SDK1: variants seen among roughly 807,000 people sequenced by gnomAD.
SDK1 encodes protein sidekick-1.
Under a neutral mutation model 245.5 loss-of-function variants are expected in SDK1, and 157 were observed. The ratio of observed to expected loss-of-function variants is 0.64; its 90% confidence interval spans 0.56 to 0.73. The LOEUF is 0.73. Ranked by LOEUF, SDK1 falls within the 30% of genes least tolerant of loss-of-function variation. The probability of loss-of-function intolerance (pLI) is 0.00; values close to 1 mark genes in which losing one functional copy is unlikely to be tolerated. For synonymous variants in SDK1, 1,647 were observed against 1,278.5 expected, an observed-to-expected ratio of 1.29 and a Z score of -6.15; for missense variants, 3,583 against 3,002.3, an observed-to-expected ratio of 1.19 and a Z score of -4.52.
intron 5 of SDK1, among the ~76,000 whole-genome samples, chr7:3,925,766 G>T (rs1267817389): frequency 6.6e-6 from 1 of 152,182 alleles, no homozygotes; most frequent in Non-Finnish European, 1.5e-5. Flanking sequence ...AGAAGGACTT[G>T]GCAGGTGCGT....
At chr7:3,512,826 C>G (rs150595838) in intron 1 of SDK1, among the ~76,000 whole-genome samples, 1 of 151,966 alleles carries the variant, frequency 6.6e-6, no homozygotes, top group African/African-American at 2.4e-5. Context: ...TTCCATTTAA[C>G]GTCACGATGA....
intron 1 of SDK1, among the ~76,000 whole-genome samples, chr7:3,495,603 A>G (rs1782000105): frequency 6.6e-6 from 1 of 152,196 alleles, no homozygotes; most frequent in African/African-American, 2.4e-5. Context: ...GGCTCTTTGC[A>G]ACATTGATGA....
At chr7:3,852,303 C>G (rs1473861393) in intron 5 of SDK1, among the ~76,000 whole-genome samples, 4 of 151,642 alleles carry the variant, frequency 2.6e-5, no homozygotes, top group Non-Finnish European at 4.4e-5. Flanking sequence ...TGGCACCAGG[C>G]CTTTGAAGGG....
chr7:3,752,626 A>C (rs560403330), intron 4 of SDK1, among the ~76,000 whole-genome samples: 1 of 152,100 alleles, frequency 6.6e-6, no homozygotes, highest in African/African-American at 2.4e-5. Flanking sequence ...TCTAGCATGG[A>C]TTTACGTCAT....
chr7:4,066,983 T>C (rs920611609), intron 19 of SDK1, among the ~76,000 whole-genome samples: 1 of 152,236 alleles, frequency 6.6e-6, no homozygotes, highest in Non-Finnish European at 1.5e-5. Flanking sequence ...AATGAGTTTA[T>C]GTTCTGATGA....
rs144726250 is a variant in SDK1, at chr7:3,653,725, C to A, written c.713+11620C>A. On this transcript the variant is annotated intron_variant, in intron 4 of 44. Coordinates refer to ENST00000404826, the MANE Select transcript of SDK1 (RefSeq NM_152744.4). ...GAAACGGGTTGGGAGTGCTGGCTCACAGCTGTGATGAGGGTTTGCTCTAGC... is the reference window on the plus strand; with the variant it reads ...GAAACGGGTTGGGAGTGCTGGCTCAAAGCTGTGATGAGGGTTTGCTCTAGC... Among the ~76,000 whole-genome samples, 436 of 150,184 alleles carry A rather than the reference C, an allele frequency of 2.9e-3. 3 individuals are homozygous for A. The highest frequency in any genetic ancestry group is 0.01 in the African/African-American group (418 of 41,412).
intron 1 of SDK1, among the ~76,000 whole-genome samples, chr7:3,325,224 C>A (rs185650856): frequency 5.3e-5 from 8 of 152,056 alleles, no homozygotes; most frequent in Admixed American, 5.2e-4. Flanking sequence ...ATTGACTACA[C>A]AAGGATTCGT....
intron 5 of SDK1, among the ~76,000 whole-genome samples, chr7:3,858,865 T>C (rs531597210): frequency 1.5e-4 from 19 of 124,638 alleles, no homozygotes; most frequent in Admixed American, 9.3e-4. Context: ...TTTTCTTTTT[T>C]CTTTTTTTTT....
chr7:3,342,334 A>G (rs1780370053), intron 1 of SDK1, among the ~76,000 whole-genome samples: 1 of 152,200 alleles, frequency 6.6e-6, no homozygotes, highest in African/African-American at 2.4e-5. Context: ...CATGCCTGTA[A>G]TCCCAGAACT....
At chr7:4,214,830 T>C (rs866906886) in intron 38 of SDK1, among the ~76,000 whole-genome samples, 2 of 152,040 alleles carry the variant, frequency 1.3e-5, no homozygotes, top group Middle Eastern at 3.2e-3. Context: ...GACTAAGCCA[T>C]GGGGCCCCCG....
chr7:4,041,288 C>T (rs1173438953), intron 17 of SDK1, among the ~76,000 whole-genome samples: 3 of 142,018 alleles, frequency 2.1e-5, no homozygotes, highest in African/African-American at 7.9e-5. Flanking sequence ...TTTTGTTTTA[C>T]TTTTTTTTTT....
At position 4,217,333 on chromosome 7, in the gene SDK1, C is replaced by CGGAGAACCACACTACCT. The variant is rs764081983; in HGVS notation, c.5540-2766_5540-2765insACTACCTGGAGAACCAC. Among the ~76,000 whole-genome samples the CGGAGAACCACACTACCT allele has an allele frequency of 2.6e-4, 32 of 121,086 alleles. 1 individual carries two copies. Among genetic ancestry groups the CGGAGAACCACACTACCT allele is most frequent in the Non-Finnish European group, 4.9e-4 (28 of 56,756 alleles). The allele number at this position is 121,086 out of a possible 152,430, so 79.4% of individuals were successfully genotyped here. A position where few individuals can be genotyped will look rare whatever the true frequency, so the allele number is the denominator to read the frequency against. Reference sequence around the variant, plus strand: ...AGGCCACCCGGAGCACCAGGCCACCCGGAGAACCACGCCACCCGGAGAACC... The same window carrying CGGAGAACCACACTACCT: ...AGGCCACCCGGAGCACCAGGCCACCCGGAGAACCACACTACCTGGAGAACCACGCCACCCGGAGAACC... On this transcript the variant is annotated intron_variant, in intron 38 of 44. Coordinates refer to ENST00000404826, the MANE Select transcript of SDK1 (RefSeq NM_152744.4).
At chr7:3,909,044 C>T (rs1779061762) in intron 5 of SDK1, among the ~76,000 whole-genome samples, 1 of 152,150 alleles carries the variant, frequency 6.6e-6, no homozygotes, top group Non-Finnish European at 1.5e-5. Flanking sequence ...AAGACAGCCC[C>T]TCTGGCTGTG....
At position 3,880,956 on chromosome 7, in the gene SDK1, G is replaced by T. The variant is rs181601885; in HGVS notation, c.847+59373G>T. Among the ~76,000 whole-genome samples, 3 of 152,118 alleles carry T rather than the reference G, an allele frequency of 2.0e-5. No homozygotes were observed. In the East Asian group the frequency reaches 5.8e-4, roughly 29 times the overall value. ...TACACATGAGGTACCTGGGATTAGG[G>T]GAAAGAAATGAGTAACAAGCCGCCC... is the stretch of plus-strand genomic sequence containing the variant. On this transcript the variant is annotated intron_variant, in intron 5 of 44. Transcript: ENST00000404826.
intron 5 of SDK1, among the ~76,000 whole-genome samples, chr7:3,826,524 A>G (rs1486986425): frequency 6.6e-6 from 1 of 152,086 alleles, no homozygotes; most frequent in Non-Finnish European, 1.5e-5. Context: ...GTTGTGAGTG[A>G]CTCAGATCTG....
intron 4 of SDK1, among the ~76,000 whole-genome samples, chr7:3,817,834 A>C (rs1278339256): frequency 6.6e-6 from 1 of 152,148 alleles, no homozygotes; most frequent in Non-Finnish European, 1.5e-5. Context: ...AGTGTTGGAG[A>C]ATCAAGTGAA....
chr7:3,438,992 A>T (rs942350495), intron 1 of SDK1, among the ~76,000 whole-genome samples: 2 of 150,946 alleles, frequency 1.3e-5, no homozygotes, highest in African/African-American at 4.9e-5. Flanking sequence ...AGTTGGGATT[A>T]CTGTTGCCTG....
At chr7:4,101,021 G>C (rs968453971) in intron 22 of SDK1, among the ~76,000 whole-genome samples, 1 of 152,202 alleles carries the variant, frequency 6.6e-6, no homozygotes, top group Non-Finnish European at 1.5e-5. Flanking sequence ...TGCACACAGG[G>C]GTCTCCTTTA....
intron 1 of SDK1, among the ~76,000 whole-genome samples, chr7:3,417,823 G>C (rs1779416232): frequency 6.6e-6 from 1 of 152,182 alleles, no homozygotes; most frequent in South Asian, 2.1e-4. Context: ...TGGCATGTCA[G>C]AGTCTGAAAG....
Sources: allele counts gnomAD v4.1 joint callset (sites outside exome capture counted in the v4.1 genomes callset), GRCh38; gene constraint gnomAD v4.1.1; transcripts MANE v1.5; gene names NCBI Gene and HGNC (gene_info 2026-07-23, HGNC 2026-07-21).